Variants in ATG5 observed in about 807,000 individuals in gnomAD.
ATG5 encodes autophagy related 5.
Under a neutral mutation model 36.5 loss-of-function variants are expected in ATG5, and 14 were observed. The observed-to-expected ratio is 0.38, with a 90% CI of 0.25 to 0.60. ATG5 has a LOEUF of 0.60. ATG5 is among the 20% of genes least tolerant of loss of function. The pLI is 0.60. For missense variants in ATG5, 195 were observed against 326.7 expected (o/e 0.60, Z 3.11); for synonymous variants, 95 against 101.5 (o/e 0.94, Z 0.38).
At chr6:106,267,857 T>C (rs1779285057) in intron 5 of ATG5, among the ~76,000 whole-genome samples, 1 of 152,092 alleles carries the variant, frequency 6.6e-6, no homozygotes, top group African/African-American at 2.4e-5. Context: ...ATAAAAAGAC[T>C]TAAATGTCAA....
rs374113296 is a variant in ATG5, at chr6:106,276,187, G to A, written c.478+3474C>T. ...GTTTTATAGATTAAGAAACTGGGCCGGGCGCGGTGGCTCACGCCTGTAATC... is the reference window on the plus strand; with the variant it reads ...GTTTTATAGATTAAGAAACTGGGCCAGGCGCGGTGGCTCACGCCTGTAATC... On this transcript the variant is annotated intron_variant, in intron 5 of 7. Coordinates refer to ENST00000369076, the MANE Select transcript of ATG5 (RefSeq NM_004849.4). Among the ~76,000 whole-genome samples the A allele has an allele frequency of 5.7e-4, 87 of 152,256 alleles. 1 individual carries two copies. The highest frequency in any genetic ancestry group is 1.0e-3 in the South Asian group (5 of 4,820).
chr6:106,226,663 T>C (rs989070654), intron 6 of ATG5, among the ~76,000 whole-genome samples: 2 of 152,218 alleles, frequency 1.3e-5, no homozygotes, highest in African/African-American at 2.4e-5. Flanking sequence ...AACAGAATCA[T>C]AGAGTATATT....
chr6:106,235,957 T>C (rs1461173351), intron 6 of ATG5, among the ~76,000 whole-genome samples: 2 of 152,198 alleles, frequency 1.3e-5, no homozygotes, highest in Non-Finnish European at 2.9e-5. Flanking sequence ...GCCCTAAAAG[T>C]TCCTTCTTGT....
chr6:106,260,201 T>C (rs542871217), intron 5 of ATG5, among the ~76,000 whole-genome samples: 29 of 152,192 alleles, frequency 1.9e-4, no homozygotes, highest in South Asian at 4.1e-4. Context: ...GGCACATGTA[T>C]ACTTATGTAA....
At chr6:106,211,308 T>C (rs1323096438) in intron 6 of ATG5, among the ~76,000 whole-genome samples, 1 of 152,140 alleles carries the variant, frequency 6.6e-6, no homozygotes, top group Non-Finnish European at 1.5e-5. Flanking sequence ...TTGTAAAACT[T>C]AAAATGGCCT....
intron 5 of ATG5, among the ~76,000 whole-genome samples, chr6:106,276,785 T>C (rs1482946021): frequency 6.6e-6 from 1 of 152,202 alleles, no homozygotes; most frequent in African/African-American, 2.4e-5. Flanking sequence ...TCTTTTTCTA[T>C]TTAGGCTATC....
At chr6:106,252,386 A>G (rs757497400) in intron 5 of ATG5, among the ~76,000 whole-genome samples, 2 of 151,972 alleles carry the variant, frequency 1.3e-5, no homozygotes, top group Non-Finnish European at 2.9e-5. Context: ...TTCCTCAAAA[A>G]TCCTGATGGT....
intron 7 of ATG5, 131 bp from the exon 8 acceptor site, chr6:106,186,807 T>A (rs958068722): frequency 9.4e-7 from 1 of 1,058,772 alleles, no homozygotes. Flanking sequence ...ACAGGAAATG[T>A]GGACATGGAG....
At chr6:106,304,281 T>A (rs887459897) in intron 3 of ATG5, 1 of 152,056 alleles carries the variant, frequency 6.6e-6, no homozygotes, top group Non-Finnish European at 1.5e-5. Context: ...ACAGTAAAAT[T>A]TTTTTAAATT....
intron 6 of ATG5, among the ~76,000 whole-genome samples, chr6:106,228,323 G>T (rs1769970): frequency 0.086 from 13,023 of 152,180 alleles, 590 homozygotes; most frequent in South Asian, 0.13. Flanking sequence ...ATCTAGCAGG[G>T]TGTCCGTTGT....
At chr6:106,186,699 C>A (rs902074127) in intron 7 of ATG5, 23 bp from the exon 8 acceptor site, 4 of 1,610,706 alleles carry the variant, frequency 2.5e-6, no homozygotes, top group Non-Finnish European at 8.5e-7. Flanking sequence ...AGAAACCCAA[C>A]AACAATAAAA....
chr6:106,266,207 T>C (rs2114566013), intron 5 of ATG5, among the ~76,000 whole-genome samples: 1 of 152,280 alleles, frequency 6.6e-6, no homozygotes, highest in Admixed American at 6.5e-5. Flanking sequence ...CATCAGAGAA[T>C]ATTATAAACA....
At chr6:106,323,641 T>C (rs1013035386) in intron 1 of ATG5, among the ~76,000 whole-genome samples, 5 of 152,142 alleles carry the variant, frequency 3.3e-5, no homozygotes, top group African/African-American at 1.2e-4. Context: ...CATTTCGCAC[T>C]ACCGCCACTA....
At chr6:106,317,122 G>A (rs893330174) in intron 1 of ATG5, among the ~76,000 whole-genome samples, 1 of 152,106 alleles carries the variant, frequency 6.6e-6, no homozygotes, top group African/African-American at 2.4e-5. Context: ...ATATCCAAGT[G>A]CCTTCCAATG....
Position 106,316,237 on chromosome 6 carries a change from G to C in ATG5, c.-29C>G. On this transcript the variant is annotated 5_prime_UTR_variant, in exon 2 of 8. Transcript: ENST00000369076. Reference sequence around the variant, plus strand: ...TCCAGGAGTTAAAGCAGTACATACAGGCTAAATTCTTATTTCAACCAAAGC... The same window carrying C: ...TCCAGGAGTTAAAGCAGTACATACACGCTAAATTCTTATTTCAACCAAAGC... 9 of 1,569,716 alleles carry C rather than the reference G, an allele frequency of 5.7e-6. No individual in the cohort carries two copies. The highest frequency in any genetic ancestry group is 7.9e-6 in the Non-Finnish European group (9 of 1,142,930).
intron 5 of ATG5, among the ~76,000 whole-genome samples, chr6:106,272,802 G>A (rs1779501176): frequency 6.6e-6 from 1 of 152,132 alleles, no homozygotes; most frequent in Non-Finnish European, 1.5e-5. Flanking sequence ...TGAATTTGCA[G>A]CCATGAAGAT....
intron 7 of ATG5, among the ~76,000 whole-genome samples, chr6:106,196,382 A>G (rs1776189823): frequency 6.6e-6 from 1 of 152,188 alleles, no homozygotes. Flanking sequence ...AAACCAAAAG[A>G]CCACCAGGAG....
chr6:106,314,073 CCT>C (rs1227961761), intron 2 of ATG5, among the ~76,000 whole-genome samples: 3 of 152,144 alleles, frequency 2.0e-5, no homozygotes, highest in Admixed American at 6.5e-5. Context: ...ACAAGACAAT[CCT>C]CTTTCTCCTA....
intron 5 of ATG5, among the ~76,000 whole-genome samples, chr6:106,254,739 G>A (rs1430439061): frequency 2.6e-5 from 4 of 152,198 alleles, no homozygotes; most frequent in Non-Finnish European, 5.9e-5. Context: ...AAGGCACTGA[G>A]CTTCTAGATT....
Sources: gnomAD v4.1 joint callset for allele counts (sites outside exome capture counted in the v4.1 genomes callset) on GRCh38, gnomAD v4.1.1 for gene constraint, MANE v1.5 for transcripts, NCBI Gene and HGNC (gene_info 2026-07-23, HGNC 2026-07-21) for gene names.